The following BBS7 variants were observed in gnomAD, a reference collection of about 807,000 sequenced individuals.
BBS7 encodes BBSome complex member BBS7.
In BBS7, 50 loss-of-function variants were observed where a neutral mutation model predicts 90.3. The ratio of observed to expected loss-of-function variants is 0.55; its 90% CI spans 0.44 to 0.70. BBS7 has a LOEUF of 0.70. BBS7 is among the 30% of genes least tolerant of loss of function. The probability of loss-of-function intolerance (pLI) is 0.00; values close to 1 mark genes in which losing one functional copy is unlikely to be tolerated. For synonymous variants in BBS7, 235 were observed against 287.4 expected (o/e 0.82, Z 1.85); for missense variants, 729 against 838.9 (o/e 0.87, Z 1.62).
intron 7 of BBS7, among the ~76,000 whole-genome samples, chr4:121,853,762 G>A (rs12499222): frequency 0.78 from 117,546 of 150,852 alleles, 46,196 homozygotes; most frequent in African/African-American, 0.89. Flanking sequence ...AGTAAATTAA[G>A]TGTCACACTC....
chr4:121,852,059 A>G (rs1319363178), intron 8 of BBS7, among the ~76,000 whole-genome samples: 1 of 152,262 alleles, frequency 6.6e-6, no homozygotes, highest in Non-Finnish European at 1.5e-5. Flanking sequence ...TATTACCTGC[A>G]TCATTAGCAG....
At chr4:121,867,582 T>C (rs1171745276) in intron 2 of BBS7, among the ~76,000 whole-genome samples, 7 of 152,234 alleles carry the variant, frequency 4.6e-5, no homozygotes, top group Non-Finnish European at 1.0e-4. Context: ...AGGATCAACA[T>C]TTCTTTAAAC....
chr4:121,845,140 G>A (rs1368345167), intron 11 of BBS7, among the ~76,000 whole-genome samples: 2 of 152,036 alleles, frequency 1.3e-5, no homozygotes, highest in African/African-American at 4.8e-5. Context: ...AGGCCGAGGC[G>A]GGTGGATCAC....
At chr4:121,847,244 C>A (rs1316656401) in intron 10 of BBS7, among the ~76,000 whole-genome samples, 160 bp downstream of exon 10, 1 of 152,150 alleles carries the variant, frequency 6.6e-6, no homozygotes, top group Non-Finnish European at 1.5e-5. Flanking sequence ...AGCACTTACG[C>A]TAATTTTCTC....
chr4:121,828,016 T>TTCATGACTGGTTCATGAA, intron 18 of BBS7, 130 bp downstream of exon 18: 1 of 1,512,364 alleles, frequency 6.6e-7, no homozygotes, highest in Non-Finnish European at 8.8e-7. Flanking sequence ...TGTCAACTGA[T>TTCATGACTGGTTCATGAA]TCATGACTGG....
At chr4:121,857,671 C>T (rs532488692) in intron 5 of BBS7, among the ~76,000 whole-genome samples, 1 of 152,202 alleles carries the variant, frequency 6.6e-6, no homozygotes, top group Admixed American at 6.5e-5. Flanking sequence ...AAAGCAGAAT[C>T]CTAGAATTCA....
At chr4:121,849,784 C>G (rs529773519) in intron 8 of BBS7, among the ~76,000 whole-genome samples, 23 of 152,146 alleles carry the variant, frequency 1.5e-4, no homozygotes, top group Non-Finnish European at 2.8e-4. Flanking sequence ...GAGCTGAGAT[C>G]GTCCCACTGT....
chr4:121,853,159 GA>G, intron 7 of BBS7, 73 bp from the exon 8 acceptor site: 1 of 1,517,126 alleles, frequency 6.6e-7, no homozygotes, highest in Non-Finnish European at 9.1e-7. Flanking sequence ...AAGTAAGAAT[GA>G]AAAAAACACA....
rs13145213 is a variant in BBS7, at chr4:121,828,924, C to T, written c.1677-196G>A. ...TATTAATTCAGCTTCTGAATATACT[C>T]GTAAAACTAAACAAGATATATGCCT... On this transcript the variant is annotated intron_variant, in intron 15 of 18. Coordinates refer to ENST00000264499, the MANE Select transcript of BBS7 (RefSeq NM_176824.3). 0.32 allele frequency among the ~76,000 whole-genome samples: 48,250 copies of T among 151,894 alleles called. 8,682 individuals are homozygous for T. The highest frequency in any genetic ancestry group is 0.44 in the East Asian group (2,268 of 5,152).
At chr4:121,844,561 A>T (rs1415566816) in intron 11 of BBS7, among the ~76,000 whole-genome samples, 4 of 151,456 alleles carry the variant, frequency 2.6e-5, no homozygotes, top group Non-Finnish European at 5.9e-5. Context: ...TGATCTCTCC[A>T]TTACATCTTT....
At chr4:121,859,262 G>T in intron 4 of BBS7, 84 bp from the exon 5 acceptor site, 3 of 1,159,066 alleles carry the variant, frequency 2.6e-6, no homozygotes, top group Non-Finnish European at 3.9e-6. Context: ...AATGTATACA[G>T]TTTACTAACA....
At chr4:121,855,467 T>C in intron 6 of BBS7, 22 bp downstream of exon 6, 10 of 1,604,994 alleles carry the variant, frequency 6.2e-6, no homozygotes, top group Non-Finnish European at 8.5e-6. Context: ...AGTTGATTTG[T>C]GAAAAATAAA....
intron 7 of BBS7, among the ~76,000 whole-genome samples, chr4:121,853,952 C>T (rs1022358825): frequency 6.6e-6 from 1 of 152,166 alleles, no homozygotes; most frequent in African/African-American, 2.4e-5. Flanking sequence ...TCTACCTCCA[C>T]CTCAAATCTT....
At chr4:121,849,019 G>C in intron 8 of BBS7, 91 bp from the exon 9 acceptor site, 2 of 910,532 alleles carry the variant, frequency 2.2e-6, no homozygotes, top group Non-Finnish European at 3.6e-6. Context: ...CCTGGCTCCA[G>C]ACATTCAACA....
chr4:121,865,582 A>G (rs2149091816), intron 2 of BBS7, among the ~76,000 whole-genome samples: 1 of 152,218 alleles, frequency 6.6e-6, no homozygotes, highest in Admixed American at 6.5e-5. Context: ...TCCATTGTGT[A>G]TATATACCAC....
At chr4:121,849,066 T>C in intron 8 of BBS7, 138 bp from the exon 9 acceptor site, 1 of 665,078 alleles carries the variant, frequency 1.5e-6, no homozygotes, top group Middle Eastern at 2.5e-4. Context: ...ACACTCAGAT[T>C]AGAAAGACAA....
At chr4:121,827,880 C>A in intron 18 of BBS7, 1 of 1,139,928 alleles carries the variant, frequency 8.8e-7, no homozygotes, top group Non-Finnish European at 1.1e-6. Flanking sequence ...CAGGTTTGTT[C>A]ATATATATAG....
At chr4:121,828,310 T>C (rs560226284) in intron 17 of BBS7, 41 bp from the exon 18 acceptor site, 10 of 1,596,814 alleles carry the variant, frequency 6.3e-6, no homozygotes, top group Middle Eastern at 1.7e-4. Flanking sequence ...ATATTCAAAA[T>C]TCAATCCAAT....
At chr4:121,851,299 TTTATC>T (rs1362044325) in intron 8 of BBS7, among the ~76,000 whole-genome samples, 2 of 151,898 alleles carry the variant, frequency 1.3e-5, no homozygotes, top group Non-Finnish European at 2.9e-5. Flanking sequence ...ATGAAATTCA[TTTATC>T]TTATGTACTT....
Sources: gnomAD v4.1 joint callset for allele counts (sites outside exome capture counted in the v4.1 genomes callset) on GRCh38, gnomAD v4.1.1 for gene constraint, MANE v1.5 for transcripts, NCBI Gene and HGNC (gene_info 2026-07-23, HGNC 2026-07-21) for gene names.